The following MYO19 variants were observed in gnomAD, a reference collection of about 807,000 sequenced individuals.
The protein encoded by MYO19 is unconventional myosin-XIX.
A neutral mutation model predicts 129.2 loss-of-function variants in MYO19; 132 were observed. The observed-to-expected ratio is 1.02, with a 90% CI of 0.89 to 1.18. The LOEUF is 1.18. MYO19 is among the 50% of genes most tolerant of loss of function. The pLI, the probability that MYO19 is intolerant of heterozygous loss-of-function variation, is 0.00. For synonymous variants in MYO19, 531 were observed against 477.2 expected (o/e 1.11, Z -1.47); for missense variants, 1,210 against 1,216.7 (o/e 0.99, Z 0.08).
At chr17:36,544,740 G>A (rs572653290), upstream of MYO19, 200 of 154,486 alleles carry the variant, frequency 1.3e-3, no homozygotes, top group Non-Finnish European at 2.3e-3. Flanking sequence ...GCTGGGCTCC[G>A]AGAAGGGCGC....
upstream of MYO19, chr17:36,537,662 G>A (rs558301588): frequency 7.4e-5 from 119 of 1,614,136 alleles, 1 homozygote; most frequent in South Asian, 1.2e-3. Flanking sequence ...AGGTCAGGAG[G>A]AGAAAATATA....
At chr17:36,512,395 A>G (rs899947316) in intron 11 of MYO19, among the ~76,000 whole-genome samples, 5 of 150,784 alleles carry the variant, frequency 3.3e-5, no homozygotes, top group Non-Finnish European at 7.4e-5. Context: ...ATCTCAAAAA[A>G]AAAAAAAAAA....
chr17:36,525,645 TAATTTGC>T (rs907532955), intron 5 of MYO19, among the ~76,000 whole-genome samples: 2 of 152,232 alleles, frequency 1.3e-5, no homozygotes, highest in African/African-American at 4.8e-5. Flanking sequence ...CATATTACTA[TAATTTGC>T]AATTTGCAAA....
At chr17:36,535,621 C>G (rs943203476), upstream of MYO19, 2 of 152,224 alleles carry the variant, frequency 1.3e-5, no homozygotes, top group South Asian at 4.1e-4. Context: ...TAGGGCGCGG[C>G]CAGGTCGGGC....
upstream of MYO19, among the ~76,000 whole-genome samples, chr17:36,544,071 G>A (rs1166768403): frequency 6.6e-6 from 1 of 152,200 alleles, no homozygotes; most frequent in African/African-American, 2.4e-5. Context: ...ACACACGGTG[G>A]CGAGAGGAAC....
At chr17:36,534,378 A>G (rs1267716189) in intron 1 of MYO19, among the ~76,000 whole-genome samples, 1 of 152,114 alleles carries the variant, frequency 6.6e-6, no homozygotes, top group Non-Finnish European at 1.5e-5. Context: ...CGGGGAGAGT[A>G]TGTCCTTCCC....
Position 36,507,503 on chromosome 17 carries a change from CGT to C in MYO19, c.1361_1362del (p.Tyr454CysfsTer3). 1 of 1,613,394 alleles carries C rather than the reference CGT, an allele frequency of 6.2e-7. No homozygotes were observed. The highest frequency in any genetic ancestry group is 8.5e-7 in the Non-Finnish European group (1 of 1,179,774). ...AATGACCACTCCAGGCCCTCAACTG[CGT>C]ATTCCTCCTAAAGAACAAGGTGGGA... ...AHYLRAQQEE[Y>X]AVEGLEWSFI... On this transcript the variant is annotated frameshift_variant, in exon 16 of 26. Coordinates refer to ENST00000614623, the MANE Select transcript of MYO19 (RefSeq NM_001163735.2). LOFTEE classifies it high-confidence loss of function.
At chr17:36,537,900 G>A (rs765071059), upstream of MYO19, 19 of 1,613,892 alleles carry the variant, frequency 1.2e-5, no homozygotes, top group East Asian at 6.7e-5. Context: ...TATTGCCCTC[G>A]GCATTACTGT....
At chr17:36,516,763 G>C (rs929701240) in intron 6 of MYO19, among the ~76,000 whole-genome samples, 1 of 152,236 alleles carries the variant, frequency 6.6e-6, no homozygotes, top group East Asian at 1.9e-4. Context: ...CTAGGACATA[G>C]AAATACACTG....
intron 8 of MYO19, 30 bp from the exon 9 acceptor site, chr17:36,514,578 G>C: frequency 1.4e-6 from 2 of 1,449,294 alleles, no homozygotes; most frequent in Non-Finnish European, 1.9e-6. Flanking sequence ...GAGCCCGTTA[G>C]TTGCCCATTC....
chr17:36,502,717 T>A (rs940735697), intron 21 of MYO19: 1 of 216,512 alleles, frequency 4.6e-6, no homozygotes, highest in East Asian at 1.2e-4. Context: ...TCTGCCTCAA[T>A]GAACCAGCAA....
chr17:36,538,158 TC>T, upstream of MYO19: 3 of 1,614,018 alleles, frequency 1.9e-6, no homozygotes, highest in Non-Finnish European at 2.5e-6. Flanking sequence ...CCTCTTCATA[TC>T]TCTTTACGTA....
chr17:36,498,083 C>T (rs2071166940), intron 25 of MYO19, 183 bp downstream of exon 25: 1 of 601,688 alleles, frequency 1.7e-6, no homozygotes, highest in Non-Finnish European at 2.8e-6. Context: ...GGAAGATTCC[C>T]AGTTATAACA....
chr17:36,530,623 ATTTT>A (rs71159612), intron 3 of MYO19, among the ~76,000 whole-genome samples: 2 of 79,050 alleles, frequency 2.5e-5, no homozygotes, highest in African/African-American at 4.7e-5. Context: ...TGGCTTTTGT[ATTTT>A]TTTTTTTTTT....
chr17:36,518,544 ATATATATATG>A lies in MYO19; in HGVS notation c.415-2564_415-2555del, dbSNP rs1256013245. 6.5e-4 allele frequency among the ~76,000 whole-genome samples: 70 copies of A among 107,276 alleles called. 1 individual carries two copies. The highest frequency in any genetic ancestry group is 2.0e-3 in the African/African-American group (57 of 27,844). 70.4% of individuals were successfully genotyped at this position (107,276 alleles called of 152,430 possible). A position where few individuals can be genotyped will look rare whatever the true frequency, so the allele number is the denominator to read the frequency against. On this transcript the variant is annotated intron_variant, in intron 6 of 25. Coordinates refer to ENST00000614623, the MANE Select transcript of MYO19 (RefSeq NM_001163735.2). The stretch of plus-strand genomic sequence containing the variant: ...AAAAAAAAAATATATATATATATAT[ATATATATATG>A]TGTATGTGTATATATATGTATATAC...
chr17:36,498,909 G>A, intron 24 of MYO19, 166 bp downstream of exon 24: 1 of 616,944 alleles, frequency 1.6e-6, no homozygotes. Flanking sequence ...TGCAGGGTAG[G>A]TGTTACTGTG....
chr17:36,506,283 T>C (rs2071879636), intron 18 of MYO19, among the ~76,000 whole-genome samples, 173 bp downstream of exon 18: 1 of 152,170 alleles, frequency 6.6e-6, no homozygotes, highest in African/African-American at 2.4e-5. Flanking sequence ...AGCCTATTTG[T>C]CTACTGTTTC....
chr17:36,534,707 CA>C (rs1442395674), intron 1 of MYO19, 53 bp downstream of exon 1: 1 of 152,338 alleles, frequency 6.6e-6, no homozygotes, highest in Non-Finnish European at 1.5e-5. Flanking sequence ...ACTGGCCTCC[CA>C]AGCCCCTTCC....
intron 6 of MYO19, among the ~76,000 whole-genome samples, chr17:36,520,247 A>T (rs1052657059): frequency 2.0e-5 from 3 of 152,174 alleles, no homozygotes; most frequent in African/African-American, 7.2e-5. Context: ...AAGTGCTGGG[A>T]TTACAGGCGT....
Sources: gnomAD v4.1 joint callset for allele counts (sites outside exome capture counted in the v4.1 genomes callset) on GRCh38, gnomAD v4.1.1 for gene constraint, MANE v1.5 for transcripts, NCBI Gene and HGNC (gene_info 2026-07-23, HGNC 2026-07-21) for gene names.